The following WNK3 variants were observed in gnomAD, a reference collection of about 807,000 sequenced individuals.
The protein encoded by WNK3 is WNK lysine deficient protein kinase 3.
A neutral mutation model predicts 116.7 loss-of-function variants in WNK3; 18 were observed. The ratio of observed to expected loss-of-function variants is 0.15; its 90% CI spans 0.11 to 0.23. The LOEUF is 0.23. Among genes scored for constraint, WNK3 ranks in the 10% least tolerant of loss-of-function variants. The pLI is 1.00. For missense variants in WNK3, 993 were observed against 1,323.8 expected, an observed-to-expected ratio of 0.75 and a Z score of 3.88; for synonymous variants, 404 against 469.4, an observed-to-expected ratio of 0.86 and a Z score of 1.80.
chrX:54,320,339 A>G (rs1469738555), intron 2 of WNK3, among the ~76,000 whole-genome samples: 1 of 111,860 alleles, frequency 8.9e-6, no homozygotes, highest in Admixed American at 9.6e-5. Context: ...CTTAATGCAA[A>G]CACCAACAAT....
At chrX:54,349,841 C>T (rs1438908259) in intron 1 of WNK3, among the ~76,000 whole-genome samples, 2 of 111,424 alleles carry the variant, frequency 1.8e-5, no homozygotes, top group Non-Finnish European at 3.8e-5. Flanking sequence ...GACCATGCCA[C>T]TGCACTCCAG....
At chrX:54,354,918 T>C (rs2069572564) in intron 1 of WNK3, among the ~76,000 whole-genome samples, 1 of 109,448 alleles carries the variant, frequency 9.1e-6, no homozygotes, top group African/African-American at 3.3e-5. Context: ...ACCCCATCTC[T>C]ACTAAAAATA....
chrX:54,308,869 G>C (rs977543325), intron 4 of WNK3, among the ~76,000 whole-genome samples: 1 of 111,839 alleles, frequency 8.9e-6, no homozygotes, highest in Non-Finnish European at 1.9e-5. Context: ...AGTTTGTATG[G>C]TCTCTGTCAC....
At chrX:54,341,818 C>A (rs1416501001) in intron 1 of WNK3, among the ~76,000 whole-genome samples, 1 of 111,594 alleles carries the variant, frequency 9.0e-6, no homozygotes, top group African/African-American at 3.3e-5. Context: ...TGCAAATAAG[C>A]ACAAGCAATC....
intron 13 of WNK3, among the ~76,000 whole-genome samples, chrX:54,252,834 A>G (rs1238403190): frequency 9.0e-6 from 1 of 110,686 alleles, no homozygotes; most frequent in African/African-American, 3.3e-5. Flanking sequence ...CTAGAAATGC[A>G]TACACAAAGA....
intron 10 of WNK3, among the ~76,000 whole-genome samples, chrX:54,285,194 C>A (rs1325218282): frequency 1.8e-5 from 2 of 110,433 alleles, no homozygotes; most frequent in Admixed American, 9.7e-5. Context: ...ACCCTATGAG[C>A]CTAGGAGTTC....
At chrX:54,231,379 T>C (rs1248567821) in intron 21 of WNK3, among the ~76,000 whole-genome samples, 1 of 111,899 alleles carries the variant, frequency 8.9e-6, no homozygotes, top group Non-Finnish European at 1.9e-5. Context: ...ATTGATCTTA[T>C]AGTTCTCTAG....
intron 2 of WNK3, among the ~76,000 whole-genome samples, chrX:54,321,610 A>T (rs1557172256): frequency 9.0e-6 from 1 of 111,731 alleles, no homozygotes; most frequent in Non-Finnish European, 1.9e-5. Context: ...TAATAGTCAT[A>T]ATCTGGTCAT....
In WNK3 at chrX:54,355,191, A is replaced by T. The variant is rs187236491; in HGVS notation, c.-120+2495T>A. ...GGCTCAGCAATGAACAATATAGTAA[A>T]AACAAAACTCTATGGAAGAAAGTTA... On this transcript the variant is annotated intron_variant, in intron 1 of 23. Transcript: ENST00000354646. 8.1e-5 allele frequency among the ~76,000 whole-genome samples: 9 copies of T among 111,784 alleles called. No homozygotes were observed. The East Asian group carries it at 2.2e-3, about 28-fold the overall frequency.
At chrX:54,247,339 T>G (rs782097884) in intron 17 of WNK3, among the ~76,000 whole-genome samples, 2 of 111,217 alleles carry the variant, frequency 1.8e-5, no homozygotes, top group Admixed American at 1.9e-4. Context: ...ATTTAAAAAA[T>G]TTTTAAATCT....
chrX:54,241,774 T>C (rs782732448), intron 17 of WNK3, among the ~76,000 whole-genome samples: 6 of 109,873 alleles, frequency 5.5e-5, no homozygotes, highest in Non-Finnish European at 1.1e-4. Context: ...GTCAACATGG[T>C]GAAACCTCAT....
chrX:54,324,978 T>C (rs1272227768), intron 2 of WNK3, among the ~76,000 whole-genome samples: 5 of 112,280 alleles, frequency 4.5e-5, no homozygotes, highest in African/African-American at 1.6e-4. Flanking sequence ...TATACTTAGA[T>C]GATGAATGAA....
At chrX:54,286,224 G>T (rs1411382038) in intron 10 of WNK3, among the ~76,000 whole-genome samples, 1 of 109,967 alleles carries the variant, frequency 9.1e-6, no homozygotes, top group Non-Finnish European at 1.9e-5. Flanking sequence ...AAGGTGGGGG[G>T]GGAGAAGAAA....
intron 12 of WNK3, among the ~76,000 whole-genome samples, chrX:54,254,532 A>T (rs1311767883): frequency 8.9e-6 from 1 of 112,022 alleles, no homozygotes; most frequent in African/African-American, 3.2e-5. Flanking sequence ...TCATATTCTG[A>T]TCCATGAATC....
At chrX:54,294,475 C>A in intron 8 of WNK3, 78 bp downstream of exon 8, 1 of 808,388 alleles carries the variant, frequency 1.2e-6, no homozygotes, top group Non-Finnish European at 1.7e-6. Context: ...GGTCATTGAC[C>A]ACTGCCCTTC....
chrX:54,253,199 AC>A (rs2068154603), intron 13 of WNK3, among the ~76,000 whole-genome samples: 1 of 109,601 alleles, frequency 9.1e-6, no homozygotes, highest in South Asian at 3.9e-4. Flanking sequence ...AAAAAAAAAA[AC>A]AGAAAGAAAA....
chrX:54,302,757 A>ATATATTT (rs1557167848), intron 5 of WNK3, among the ~76,000 whole-genome samples: 61 of 43,373 alleles, frequency 1.4e-3, no homozygotes, highest in African/African-American at 5.0e-3. Context: ...ATATATATAT[A>ATATATTT]TTTTTTTTTT....
chrX:54,223,482 T>C (rs782420628), intron 22 of WNK3: 30 of 119,813 alleles, frequency 2.5e-4, no homozygotes, highest in Non-Finnish European at 4.6e-4. Flanking sequence ...CTCACCCACT[T>C]TGTCAGATGG....
chrX:54,307,881 C>A, intron 5 of WNK3, 41 bp downstream of exon 5: 1 of 1,103,243 alleles, frequency 9.1e-7, no homozygotes. Flanking sequence ...CAACATGAAA[C>A]GTGGCAACTG....
Sources: gnomAD v4.1 joint callset for allele counts (sites outside exome capture counted in the v4.1 genomes callset) on GRCh38, gnomAD v4.1.1 for gene constraint, MANE v1.5 for transcripts, NCBI Gene and HGNC (gene_info 2026-07-23, HGNC 2026-07-21) for gene names.